The following PRKCE variants were observed in gnomAD, a reference collection of about 807,000 sequenced individuals.
PRKCE encodes the protein protein kinase C epsilon type.
A neutral mutation model predicts 85.4 loss-of-function variants in PRKCE; 16 were observed. The ratio of observed to expected loss-of-function variants is 0.19; its 90% CI spans 0.13 to 0.28. PRKCE has a LOEUF of 0.28. Among genes scored for constraint, PRKCE ranks in the 10% least tolerant of loss-of-function variants. PRKCE has a pLI of 1.00. For synonymous variants in PRKCE, 388 were observed against 371.5 expected (o/e 1.04, Z -0.51); for missense variants, 573 against 975.2 (o/e 0.59, Z 5.49).
chr2:45,838,810 T>G (rs1479061137), intron 1 of PRKCE, among the ~76,000 whole-genome samples: 1 of 152,146 alleles, frequency 6.6e-6, no homozygotes, highest in Non-Finnish European at 1.5e-5. Flanking sequence ...ACAACAACAC[T>G]GTAAAGTCAT....
At chr2:46,109,083 G>A (rs574559022) in intron 11 of PRKCE, among the ~76,000 whole-genome samples, 2 of 152,168 alleles carry the variant, frequency 1.3e-5, no homozygotes, top group East Asian at 1.9e-4. Flanking sequence ...ATACCATGCT[G>A]TCTTGATTAC....
intron 1 of PRKCE, among the ~76,000 whole-genome samples, chr2:45,828,143 G>A (rs935662): frequency 0.63 from 95,311 of 152,144 alleles, 31,060 homozygotes; most frequent in African/African-American, 0.81. Flanking sequence ...TAGTTAAAAG[G>A]TAACATTGTC....
At chr2:46,127,065 GA>G (rs1312833477) in intron 11 of PRKCE, among the ~76,000 whole-genome samples, 1 of 152,180 alleles carries the variant, frequency 6.6e-6, no homozygotes, top group East Asian at 1.9e-4. Flanking sequence ...GCAGAAAAAG[GA>G]AAGCTTGAGA....
intron 13 of PRKCE, among the ~76,000 whole-genome samples, chr2:46,157,209 GA>G (rs1307304828): frequency 2.6e-5 from 4 of 152,102 alleles, no homozygotes; most frequent in African/African-American, 9.7e-5. Flanking sequence ...TCCCAAGTCA[GA>G]TGAGTAACTA....
chr2:46,000,466 A>G (rs907625142), intron 6 of PRKCE, among the ~76,000 whole-genome samples: 34 of 152,028 alleles, frequency 2.2e-4, no homozygotes, highest in African/African-American at 8.2e-4. Context: ...ATAAAAAAAA[A>G]AAACAACCCT....
At chr2:46,124,421 A>G (rs1673649011) in intron 11 of PRKCE, among the ~76,000 whole-genome samples, 1 of 152,210 alleles carries the variant, frequency 6.6e-6, no homozygotes, top group African/African-American at 2.4e-5. Context: ...GTAATAAGGA[A>G]TATGAATAGA....
chr2:45,920,582 C>G (rs1187232582), intron 2 of PRKCE, among the ~76,000 whole-genome samples: 1 of 152,210 alleles, frequency 6.6e-6, no homozygotes, highest in Non-Finnish European at 1.5e-5. Flanking sequence ...GAAGCACTGA[C>G]ATGGATGACC....
chr2:46,170,391 A>G (rs761477784), intron 14 of PRKCE, among the ~76,000 whole-genome samples: 4 of 152,250 alleles, frequency 2.6e-5, no homozygotes, highest in Non-Finnish European at 5.9e-5. Context: ...CCAAACATAT[A>G]TAAAAGTAGA....
intron 2 of PRKCE, among the ~76,000 whole-genome samples, chr2:45,885,002 T>TATATTTTTTTTTTTTTTG (rs1553440407): frequency 1.0e-5 from 1 of 97,642 alleles, no homozygotes; most frequent in Non-Finnish European, 2.1e-5. Flanking sequence ...TATATATATA[T>TATATTTTTTTTTTTTTTG]TTGTTGTTGT....
At chr2:45,988,383 G>A (rs991845660) in intron 6 of PRKCE, among the ~76,000 whole-genome samples, 1 of 152,228 alleles carries the variant, frequency 6.6e-6, no homozygotes, top group African/African-American at 2.4e-5. Context: ...AGCATTGTGT[G>A]TGTACCCTTC....
At chr2:46,126,210 T>C (rs781097420) in intron 11 of PRKCE, among the ~76,000 whole-genome samples, 4 of 152,242 alleles carry the variant, frequency 2.6e-5, no homozygotes, top group Non-Finnish European at 5.9e-5. Context: ...GGGTCTCTTC[T>C]TAACCCCTCT....
At chr2:45,749,804 A>G (rs975333827) in intron 1 of PRKCE, among the ~76,000 whole-genome samples, 4 of 152,168 alleles carry the variant, frequency 2.6e-5, no homozygotes, top group African/African-American at 9.7e-5. Context: ...CAAATGCTGC[A>G]CTAAACCCCC....
At chr2:46,070,235 A>G (rs915372773) in intron 10 of PRKCE, among the ~76,000 whole-genome samples, 15 of 152,346 alleles carry the variant, frequency 9.8e-5, no homozygotes, top group African/African-American at 3.6e-4. Flanking sequence ...TTTGTGTTCT[A>G]GAGACTTGAG....
intron 2 of PRKCE, among the ~76,000 whole-genome samples, chr2:45,918,946 C>A (rs534881414): frequency 6.6e-6 from 1 of 152,204 alleles, no homozygotes; most frequent in East Asian, 1.9e-4. Flanking sequence ...GTCACACACC[C>A]CTCCTCTTCA....
At chr2:46,175,830 C>G (rs1328094038) in intron 14 of PRKCE, among the ~76,000 whole-genome samples, 7 of 151,794 alleles carry the variant, frequency 4.6e-5, no homozygotes, top group Admixed American at 4.6e-4. Context: ...GAGGCCAAAT[C>G]TAGTATGGTC....
chr2:45,904,016 G>A (rs1025438329), intron 2 of PRKCE, among the ~76,000 whole-genome samples: 2 of 151,614 alleles, frequency 1.3e-5, no homozygotes, highest in Non-Finnish European at 2.9e-5. Context: ...CGATTCTCGT[G>A]CCTCACCCTT....
intron 10 of PRKCE, among the ~76,000 whole-genome samples, chr2:46,081,402 C>G (rs1186141103): frequency 6.6e-6 from 1 of 152,176 alleles, no homozygotes; most frequent in African/African-American, 2.4e-5. Flanking sequence ...AGTTCAATTC[C>G]CTTAAAAAAC....
intron 1 of PRKCE, among the ~76,000 whole-genome samples, chr2:45,826,240 A>G (rs1265198076): frequency 1.3e-5 from 2 of 152,170 alleles, no homozygotes; most frequent in African/African-American, 4.8e-5. Flanking sequence ...TTTATCCAAA[A>G]TGCTTAGGGC....
chr2:46,121,001 A>C (rs1673262719), intron 11 of PRKCE, among the ~76,000 whole-genome samples: 1 of 152,166 alleles, frequency 6.6e-6, no homozygotes, highest in Non-Finnish European at 1.5e-5. Context: ...ATTTTTAAAA[A>C]CCTAACTCAG....
Sources: gnomAD v4.1 joint callset for allele counts (sites outside exome capture counted in the v4.1 genomes callset) on GRCh38, gnomAD v4.1.1 for gene constraint, MANE v1.5 for transcripts, NCBI Gene and HGNC (gene_info 2026-07-23, HGNC 2026-07-21) for gene names.